The following NME9 variants were observed in gnomAD, a reference collection of about 807,000 sequenced individuals.
The protein encoded by NME9 is NME/NM23 family member 9.
A neutral mutation model predicts 44.4 loss-of-function variants in NME9; 48 were observed. The ratio of observed to expected loss-of-function variants is 1.08; its 90% CI spans 0.86 to 1.37. The LOEUF is 1.37. NME9 is among the 40% of genes most tolerant of loss of function. NME9 has a pLI of 0.00. For missense variants in NME9, 325 were observed against 405.2 expected (o/e 0.80, Z 1.70); for synonymous variants, 139 against 147.1 (o/e 0.94, Z 0.40).
At chr3:138,315,426 C>G in intron 5 of NME9, 101 bp downstream of exon 5, 2 of 751,942 alleles carry the variant, frequency 2.7e-6, no homozygotes, top group Non-Finnish European at 4.4e-6. Context: ...AGCTGTCCAC[C>G]GACAGCTCCA....
chr3:138,295,776 C>T (rs545842437), intron 8 of NME9: 1 of 1,501,794 alleles, frequency 6.7e-7, no homozygotes, highest in African/African-American at 1.4e-5. Context: ...TTAGACTTCC[C>T]CAGCTATCAT....
intron 8 of NME9, among the ~76,000 whole-genome samples, chr3:138,305,504 T>C (rs1269855992): frequency 2.0e-5 from 3 of 152,160 alleles, no homozygotes; most frequent in Non-Finnish European, 4.4e-5. Context: ...GGTCCAAGTT[T>C]GACTGACAAC....
chr3:138,305,882 T>A, intron 8 of NME9, 122 bp downstream of exon 8: 1 of 725,144 alleles, frequency 1.4e-6, no homozygotes, highest in Non-Finnish European at 2.5e-6. Flanking sequence ...CATGACCCAC[T>A]TGCTGTTCCT....
downstream of NME9, chr3:138,300,889 A>G (rs1370228888): frequency 5.5e-6 from 1 of 180,662 alleles, no homozygotes; most frequent in Non-Finnish European, 1.1e-5. Flanking sequence ...GTGAGGAAGC[A>G]TTTGGAGCCT....
chr3:138,319,715 T>G, intron 2 of NME9, 134 bp from the exon 3 acceptor site: 1 of 621,020 alleles, frequency 1.6e-6, no homozygotes, highest in South Asian at 1.9e-5. Context: ...TTAAAGGGAT[T>G]TACTATCCCA....
chr3:138,315,544 C>G lies in NME9; in HGVS notation c.367G>C (p.Gly123Arg). 6.5e-7 allele frequency: 1 copy of G among 1,536,428 alleles called. No homozygotes were observed. The highest frequency in any genetic ancestry group is 8.7e-7 in the Non-Finnish European group (1 of 1,146,960). ...LEAEKKVLAEGRERKVIKDEA... is the reference protein window; with the variant it reads ...LEAEKKVLAERRERKVIKDEA... ...CCAGTTACCACTTTCCGTTCTCTGC[C>G]TTCAGCCAGCACTTTCTTTTCGGCC... The change falls in exon 5 of 11, where the codon GGC becomes CGC. Residue 123 changes from glycine to arginine, a missense_variant. Physicochemically the swap from Gly to Arg is moderately radical, Grantham distance 125. Coordinates refer to ENST00000333911, the MANE Select transcript of NME9 (RefSeq NM_001349018.2).
chr3:138,302,274 G>C (rs1425723588), intron 10 of NME9, among the ~76,000 whole-genome samples: 2 of 152,136 alleles, frequency 1.3e-5, no homozygotes, highest in African/African-American at 4.8e-5. Context: ...TTATTCCCAG[G>C]ATGTGGTCTG....
intron 6 of NME9, among the ~76,000 whole-genome samples, chr3:138,309,117 C>G (rs1471761205): frequency 1.3e-5 from 2 of 151,712 alleles, no homozygotes; most frequent in Admixed American, 6.6e-5. Context: ...AGGGCAAAAC[C>G]CTGTTTCTAC....
intron 8 of NME9, chr3:138,289,176 A>G (rs2050713258): frequency 1.4e-5 from 19 of 1,401,962 alleles, no homozygotes; most frequent in Non-Finnish European, 1.6e-5. Flanking sequence ...TGTCTTGCAC[A>G]GGGAAGCTAG....
chr3:138,329,662 G>C lies in NME9; in HGVS notation c.-327C>G, dbSNP rs2054004182. 1.6e-6 allele frequency: 2 copies of C among 1,240,960 alleles called. No homozygotes were observed. The highest frequency in any genetic ancestry group is 2.0e-6 in the Non-Finnish European group (2 of 989,162). 76.9% of individuals were successfully genotyped at this position (1,240,960 alleles called of 1,614,324 possible). A position where few individuals can be genotyped will look rare whatever the true frequency, so the allele number is the denominator to read the frequency against. On this transcript the variant is annotated 5_prime_UTR_variant, in exon 1 of 11. Transcript: ENST00000333911. Reference sequence around the variant, plus strand: ...AGGCCGGAGTCAGTGCGCCGGGCGCGGTGCAGCCTGTCGGGCACAGGGTCG... The same window carrying C: ...AGGCCGGAGTCAGTGCGCCGGGCGCCGTGCAGCCTGTCGGGCACAGGGTCG...
chr3:138,309,425 C>T (rs1258994066), intron 6 of NME9, among the ~76,000 whole-genome samples: 1 of 152,220 alleles, frequency 6.6e-6, no homozygotes, highest in African/African-American at 2.4e-5. Context: ...TGGCTCACGC[C>T]TATAATCCCA....
At chr3:138,295,184 C>G (rs1051657109) in intron 8 of NME9, among the ~76,000 whole-genome samples, 2 of 152,166 alleles carry the variant, frequency 1.3e-5, no homozygotes, top group African/African-American at 2.4e-5. Flanking sequence ...CAGGTGTGAG[C>G]CACAGCACCC....
chr3:138,328,507 A>G (rs975098413), intron 1 of NME9, among the ~76,000 whole-genome samples: 6 of 152,044 alleles, frequency 3.9e-5, no homozygotes, highest in African/African-American at 1.4e-4. Flanking sequence ...CTAATGCTCT[A>G]TTATCTAGGA....
At chr3:138,303,789 A>G in intron 9 of NME9, 146 bp from the exon 10 acceptor site, 1 of 714,176 alleles carries the variant, frequency 1.4e-6, no homozygotes, top group Non-Finnish European at 2.3e-6. Flanking sequence ...CAAGAACAGC[A>G]GCAATGATAA....
At chr3:138,266,113 G>A (rs2048263005) in intron 8 of NME9, among the ~76,000 whole-genome samples, 1 of 152,196 alleles carries the variant, frequency 6.6e-6, no homozygotes, top group Non-Finnish European at 1.5e-5. Context: ...TAAGCAGTAT[G>A]TAACATTGAA....
intron 8 of NME9, chr3:138,288,926 C>T: frequency 2.7e-6 from 2 of 729,106 alleles, no homozygotes; most frequent in Admixed American, 2.5e-5. Flanking sequence ...CATGAGCCAC[C>T]TCACCTGGCC....
chr3:138,322,770 A>T (rs1414892938), intron 2 of NME9, among the ~76,000 whole-genome samples: 1 of 152,160 alleles, frequency 6.6e-6, no homozygotes, highest in African/African-American at 2.4e-5. Flanking sequence ...CCCTTGAACC[A>T]TTTAGACCAG....
In NME9 at chr3:138,276,001, G is replaced by C. The variant is rs2049256131; in HGVS notation, c.746-13415C>G. Among the ~76,000 whole-genome samples the C allele has an allele frequency of 6.6e-5, 10 of 152,244 alleles. No homozygotes were observed. The South Asian group carries it at 2.1e-3, about 32-fold the overall frequency. On this transcript the variant is annotated intron_variant, in intron 8 of 8. Transcript: ENST00000317876. ...AAACCATTGTACTTTGAGAGGATAG[G>C]AATGAATTTTGTCTATAAAGACAAC...
intron 8 of NME9, chr3:138,269,958 A>G: frequency 1.2e-6 from 1 of 836,236 alleles, no homozygotes; most frequent in Admixed American, 2.3e-5. Flanking sequence ...GGAAGAAATC[A>G]CAAAGTGCCA....
Sources: gnomAD v4.1 joint callset for allele counts (sites outside exome capture counted in the v4.1 genomes callset) on GRCh38, gnomAD v4.1.1 for gene constraint, MANE v1.5 for transcripts, NCBI Gene and HGNC (gene_info 2026-07-23, HGNC 2026-07-21) for gene names.